The following KALRN variants were observed in gnomAD, a reference collection of about 807,000 sequenced individuals.
KALRN encodes the protein kalirin.
KALRN carries 70 observed loss-of-function variants against 353.7 expected under a neutral mutation model. That is an observed-to-expected ratio of 0.20 (90% CI 0.16 to 0.24). The LOEUF (loss-of-function observed/expected upper bound fraction) is 0.24, where lower values mean the gene tolerates loss of function less well. Ranked by LOEUF, KALRN falls within the 10% of genes least tolerant of loss-of-function variation. The pLI, the probability that KALRN is intolerant of heterozygous loss-of-function variation, is 1.00. For missense variants in KALRN, 2,791 were observed against 3,756.7 expected (o/e 0.74, Z 6.72); for synonymous variants, 1,391 against 1,434.8 (o/e 0.97, Z 0.69).
Position 124,671,734 on chromosome 3 carries a change from C to T in KALRN, c.6778C>T (p.Pro2260Ser), listed in dbSNP as rs1163467077. 6 of 1,614,138 alleles carry T rather than the reference C, an allele frequency of 3.7e-6. No homozygotes were observed. The highest frequency in any genetic ancestry group is 4.5e-5 in the East Asian group (2 of 44,880). Residue 2260 changes from proline to serine, a missense_variant, in exon 48 of 60, where the codon CCC becomes TCC. Pro to Ser is a moderately conservative substitution (Grantham distance 74, BLOSUM62 -1). This residue lies in a region of KALRN where 1,065 missense variants were observed against 1,156.4 expected (regional missense o/e 0.92). Coordinates refer to ENST00000682506, the MANE Select transcript of KALRN (RefSeq NM_001388419.1). ...GATGAGGTCTCAACCTGCCAGGCTT[C>T]CCCAAGCCAGCCCCAGGCCCTACTC... Reference protein sequence around the residue: ...AVMRSQPARLPQASPRPYSSV... With the variant: ...AVMRSQPARLSQASPRPYSSV...
intron 3 of KALRN, among the ~76,000 whole-genome samples, chr3:124,237,107 A>T (rs1051426758): frequency 2.6e-5 from 4 of 152,224 alleles, no homozygotes; most frequent in African/African-American, 9.6e-5. Flanking sequence ...TGTTCTAAAG[A>T]CAGTGAAGTT....
intron 28 of KALRN, among the ~76,000 whole-genome samples, chr3:124,484,732 C>T (rs998823173): frequency 6.6e-6 from 1 of 152,232 alleles, no homozygotes; most frequent in African/African-American, 2.4e-5. Flanking sequence ...TGGTTGCTTA[C>T]AGTAGAATCC....
At chr3:124,329,253 G>A (rs779889519) in intron 7 of KALRN, among the ~76,000 whole-genome samples, 14 of 152,198 alleles carry the variant, frequency 9.2e-5, no homozygotes, top group Non-Finnish European at 1.0e-4. Flanking sequence ...GATGCAGTAG[G>A]TGTAGCACAG....
chr3:124,643,529 T>C (rs2082342619), intron 37 of KALRN, among the ~76,000 whole-genome samples: 1 of 152,226 alleles, frequency 6.6e-6, no homozygotes, highest in African/African-American at 2.4e-5. Flanking sequence ...TCGCCCAGAC[T>C]GGAGTGCAGT....
intron 34 of KALRN, among the ~76,000 whole-genome samples, chr3:124,577,365 T>C (rs2074216325): frequency 6.6e-6 from 1 of 152,110 alleles, no homozygotes; most frequent in Non-Finnish European, 1.5e-5. Flanking sequence ...CTGAGCTCAG[T>C]AATGGTTCAG....
chr3:124,234,976 G>A (rs967890381), intron 3 of KALRN, 33 bp downstream of exon 3: 7 of 1,508,430 alleles, frequency 4.6e-6, no homozygotes, highest in South Asian at 1.2e-5. Context: ...GCAGGGGAGC[G>A]GGAGGGGAGC....
chr3:124,537,120 CA>C (rs375629753), intron 33 of KALRN, among the ~76,000 whole-genome samples: 336 of 152,312 alleles, frequency 2.2e-3, no homozygotes, highest in African/African-American at 7.4e-3. Context: ...CGGCTCACTG[CA>C]ACCTCCACCT....
At chr3:124,036,878 G>T (rs1216186788) in intron 1 of KALRN, among the ~76,000 whole-genome samples, 1 of 152,152 alleles carries the variant, frequency 6.6e-6, no homozygotes, top group East Asian at 1.9e-4. Context: ...TCAATCCCTT[G>T]ACCAATTGGT....
Position 124,575,942 on chromosome 3 carries a change from A to C in KALRN, c.5182+12853A>C, listed in dbSNP as rs148779264. 3.9e-5 allele frequency among the ~76,000 whole-genome samples: 6 copies of C among 152,178 alleles called. No homozygotes were observed. The East Asian group carries it at 1.2e-3, about 29-fold the overall frequency. Reference sequence around the variant, plus strand: ...ATAGGTTCTGGAGAGGAGGATGTGGACATCTTTGGCGGACGTTATTCTGTC... The same window carrying C: ...ATAGGTTCTGGAGAGGAGGATGTGGCCATCTTTGGCGGACGTTATTCTGTC... On this transcript the variant is annotated intron_variant, in intron 34 of 59. Coordinates refer to ENST00000682506, the MANE Select transcript of KALRN (RefSeq NM_001388419.1).
At chr3:124,333,309 G>A (rs1372202083) in intron 8 of KALRN, among the ~76,000 whole-genome samples, 4 of 152,164 alleles carry the variant, frequency 2.6e-5, no homozygotes, top group Non-Finnish European at 5.9e-5. Flanking sequence ...AAAATTGGTA[G>A]CCAGTATCAC....
intron 33 of KALRN, among the ~76,000 whole-genome samples, chr3:124,561,625 G>A (rs1345985442): frequency 6.6e-6 from 1 of 152,196 alleles, no homozygotes; most frequent in Non-Finnish European, 1.5e-5. Flanking sequence ...ATTTGGACAA[G>A]TGCACTAATA....
intron 34 of KALRN, among the ~76,000 whole-genome samples, chr3:124,564,062 G>A (rs561404292): frequency 1.3e-4 from 20 of 148,812 alleles, no homozygotes; most frequent in East Asian, 1.2e-3. Flanking sequence ...AAAATTAGCC[G>A]GGCATGGTGG....
At chr3:124,281,844 G>A (rs955937164) in intron 5 of KALRN, among the ~76,000 whole-genome samples, 4 of 152,174 alleles carry the variant, frequency 2.6e-5, no homozygotes, top group East Asian at 1.9e-4. Context: ...ATAGTTGACC[G>A]TGACACAGTC....
At chr3:124,617,759 T>A (rs2078783099) in intron 34 of KALRN, among the ~76,000 whole-genome samples, 1 of 152,142 alleles carries the variant, frequency 6.6e-6, no homozygotes, top group South Asian at 2.1e-4. Flanking sequence ...AGTCCCCAGA[T>A]GATACTGATC....
At chr3:124,694,778 A>G (rs1016489433) in intron 53 of KALRN, among the ~76,000 whole-genome samples, 2 of 152,234 alleles carry the variant, frequency 1.3e-5, no homozygotes, top group African/African-American at 2.4e-5. Context: ...CCACGTAGAC[A>G]TACCTGGGAT....
At chr3:124,057,849 G>T (rs1332777905) in intron 1 of KALRN, among the ~76,000 whole-genome samples, 1 of 152,110 alleles carries the variant, frequency 6.6e-6, no homozygotes, top group African/African-American at 2.4e-5. Context: ...CAACTTGAGG[G>T]GTCAAACTAC....
At chr3:124,065,874 C>T (rs2042314155) in intron 1 of KALRN, among the ~76,000 whole-genome samples, 1 of 152,224 alleles carries the variant, frequency 6.6e-6, no homozygotes, top group African/African-American at 2.4e-5. Flanking sequence ...AAGAAACCAT[C>T]TCAGGAAGTT....
At chr3:124,282,323 T>C (rs920383288) in intron 5 of KALRN, among the ~76,000 whole-genome samples, 16 of 152,070 alleles carry the variant, frequency 1.1e-4, no homozygotes, top group African/African-American at 3.9e-4. Flanking sequence ...ATTATGAAGG[T>C]TACTAAAAAC....
At chr3:124,152,949 G>T in intron 1 of KALRN, 1 of 192,586 alleles carries the variant, frequency 5.2e-6, no homozygotes, top group Non-Finnish European at 1.1e-5. Context: ...CTTCCTCCTT[G>T]CCTTTTGAAG....
Sources: gnomAD v4.1 joint callset for allele counts (sites outside exome capture counted in the v4.1 genomes callset) on GRCh38, gnomAD v4.1.1 for gene constraint, gnomAD v4.1.1 regional missense constraint, MANE v1.5 for transcripts, NCBI Gene and HGNC (gene_info 2026-07-23, HGNC 2026-07-21) for gene names.